The following DCLK1 variants were observed in gnomAD, a reference collection of about 807,000 sequenced individuals.
DCLK1 encodes the protein serine/threonine-protein kinase DCLK1.
DCLK1 carries 16 observed loss-of-function variants against 86.2 expected under a neutral mutation model. The observed-to-expected ratio is 0.19, with a 90% CI of 0.13 to 0.28. The LOEUF is 0.28. Among genes scored for constraint, DCLK1 ranks in the 10% least tolerant of loss-of-function variants. The pLI is 1.00. For synonymous variants in DCLK1, 369 were observed against 370.5 expected, an observed-to-expected ratio of 1.00 and a Z score of 0.05; for missense variants, 590 against 940.2, an observed-to-expected ratio of 0.63 and a Z score of 4.87.
rs1289386031 is a variant in DCLK1 at position 35,827,659 on chromosome 13, C to G, written c.1383G>C (p.Leu461=). The stretch of plus-strand genomic sequence containing the variant: ...CCTTTACTAATTCCATGACAAGATA[C>G]AGTTCAGTTGGCACATCCATCTCCT... ...LIEEMDVPTE[L]YLVMELVKGG... Residue 461 remains leucine (L), a synonymous_variant, in exon 10 of 17, where the codon CTG becomes CTC. Transcript: ENST00000360631. 1 of 1,613,864 alleles carries G rather than the reference C, an allele frequency of 6.2e-7. No homozygotes were observed. The highest frequency in any genetic ancestry group is 1.3e-5 in the African/African-American group (1 of 74,916).
At chr13:35,919,145 G>A (rs1051416500) in intron 4 of DCLK1, among the ~76,000 whole-genome samples, 7 of 152,042 alleles carry the variant, frequency 4.6e-5, no homozygotes, top group African/African-American at 1.4e-4. Flanking sequence ...GCCTGCCTCA[G>A]CCTCCCAAAG....
intron 3 of DCLK1, among the ~76,000 whole-genome samples, chr13:36,111,258 G>A (rs1051567331): frequency 3.3e-5 from 5 of 152,040 alleles, no homozygotes; most frequent in African/African-American, 1.2e-4. Context: ...ACATTAAAAT[G>A]ACCACCCATC....
rs148189384 is a variant in DCLK1 at position 35,875,362 on chromosome 13, C to T, written c.824-4022G>A. ...GGTACACATTGTTCATAATATCCAT[C>T]TGTGATCCACAATGTGAATTTAAAA... On this transcript the variant is annotated intron_variant, in intron 4 of 16. Coordinates refer to ENST00000360631, the MANE Select transcript of DCLK1 (RefSeq NM_001330071.2). 3.4e-3 allele frequency among the ~76,000 whole-genome samples: 515 copies of T among 152,292 alleles called. 2 individuals are homozygous for T. The highest frequency in any genetic ancestry group is 0.012 in the South Asian group (60 of 4,820).
At chr13:35,949,669 T>C (rs1362161046) in intron 3 of DCLK1, among the ~76,000 whole-genome samples, 1 of 152,186 alleles carries the variant, frequency 6.6e-6, no homozygotes, top group Non-Finnish European at 1.5e-5. Context: ...GGTGTGTGCA[T>C]ATTTCACGCC....
intron 3 of DCLK1, among the ~76,000 whole-genome samples, chr13:35,973,356 T>C (rs1283658977): frequency 6.6e-6 from 1 of 152,174 alleles, no homozygotes; most frequent in East Asian, 1.9e-4. Flanking sequence ...CCCTTGCTCA[T>C]GGCCCATCTA....
chr13:35,848,402 A>G (rs1017109289), intron 6 of DCLK1: 2 of 985,086 alleles, frequency 2.0e-6, no homozygotes, highest in African/African-American at 3.5e-5. Context: ...TGCTGTTTCA[A>G]TCTCTGAGGG....
At chr13:35,861,295 A>C (rs1475413981) in intron 5 of DCLK1, among the ~76,000 whole-genome samples, 1 of 152,206 alleles carries the variant, frequency 6.6e-6, no homozygotes, top group African/African-American at 2.4e-5. Context: ...GTGATGTAAA[A>C]TTAGGAAATT....
At chr13:35,788,033 G>C in intron 16 of DCLK1, 1 of 644,322 alleles carries the variant, frequency 1.6e-6, no homozygotes, top group Non-Finnish European at 2.8e-6. Context: ...TGAATAATGG[G>C]TGAAAAAAAG....
chr13:36,118,707 G>A (rs1440396068), intron 2 of DCLK1, among the ~76,000 whole-genome samples: 1 of 152,094 alleles, frequency 6.6e-6, no homozygotes, highest in East Asian at 1.9e-4. Context: ...GACGTTAAGG[G>A]TGATGTTAAG....
chr13:36,065,055 T>C (rs912876249), intron 3 of DCLK1, among the ~76,000 whole-genome samples: 6 of 152,204 alleles, frequency 3.9e-5, no homozygotes, highest in African/African-American at 1.4e-4. Flanking sequence ...TTGAGAATAG[T>C]TGAAGAAAAT....
intron 3 of DCLK1, among the ~76,000 whole-genome samples, chr13:35,991,704 C>A (rs1351183940): frequency 6.6e-6 from 1 of 152,122 alleles, no homozygotes; most frequent in Non-Finnish European, 1.5e-5. Context: ...AATTTGCATG[C>A]TTTTCTCTCA....
intron 16 of DCLK1, among the ~76,000 whole-genome samples, chr13:35,784,986 C>A (rs559740433): frequency 5.9e-5 from 9 of 152,166 alleles, no homozygotes; most frequent in Non-Finnish European, 1.3e-4. Flanking sequence ...GACAGCGCGG[C>A]CATCACCGCT....
intron 3 of DCLK1, among the ~76,000 whole-genome samples, chr13:36,018,963 G>A (rs1881645504): frequency 6.6e-6 from 1 of 152,124 alleles, no homozygotes; most frequent in Non-Finnish European, 1.5e-5. Context: ...AAATGAATAT[G>A]TTACAAAATA....
At chr13:35,929,546 T>A (rs1417588539) in intron 4 of DCLK1, among the ~76,000 whole-genome samples, 1 of 152,212 alleles carries the variant, frequency 6.6e-6, no homozygotes, top group Admixed American at 6.5e-5. Flanking sequence ...TAACTAAACA[T>A]AGAGGCTGAT....
chr13:35,986,300 CAAAAAAAAAAA>C (rs60156251), intron 3 of DCLK1, among the ~76,000 whole-genome samples: 5 of 44,400 alleles, frequency 1.1e-4, no homozygotes, highest in Non-Finnish European at 1.8e-4. Context: ...GACTCCGTCT[CAAAAAAAAAAA>C]AAAAAAAAAA....
chr13:35,827,762 A>G lies in DCLK1; in HGVS notation c.1288-8T>C. ...ATTCTGGATCATGTGCTCCTGTCCA[A>G]AGGAAAAGTTATCTTCATCAGCTTC... On this transcript the variant is annotated splice_polypyrimidine_tract_variant and splice_region_variant and intron_variant, in intron 9 of 16. Coordinates refer to ENST00000360631, the MANE Select transcript of DCLK1 (RefSeq NM_001330071.2). 6.2e-7 allele frequency: 1 copy of G among 1,613,300 alleles called. No homozygotes were observed. Among genetic ancestry groups the G allele is most frequent in the Non-Finnish European group, 8.5e-7 (1 of 1,179,928 alleles).
chr13:36,039,157 G>T (rs1882613311), intron 3 of DCLK1, among the ~76,000 whole-genome samples: 1 of 152,174 alleles, frequency 6.6e-6, no homozygotes, highest in African/African-American at 2.4e-5. Context: ...CTCATTTCAG[G>T]TAAGGAATGA....
intron 4 of DCLK1, among the ~76,000 whole-genome samples, chr13:35,905,774 T>C (rs1268857819): frequency 1.3e-5 from 2 of 151,964 alleles, no homozygotes; most frequent in African/African-American, 2.4e-5. Context: ...GGTGAAACCC[T>C]GCCTCTACTA....
intron 14 of DCLK1, among the ~76,000 whole-genome samples, chr13:35,807,961 C>A (rs2087062812): frequency 6.6e-6 from 1 of 152,134 alleles, no homozygotes; most frequent in African/African-American, 2.4e-5. Flanking sequence ...TGGGGCACAG[C>A]AAGAGGCTAT....
Sources: allele counts gnomAD v4.1 joint callset (sites outside exome capture counted in the v4.1 genomes callset), GRCh38; gene constraint gnomAD v4.1.1; transcripts MANE v1.5; gene names NCBI Gene and HGNC (gene_info 2026-07-23, HGNC 2026-07-21).